The following SCFD2 variants were observed in gnomAD, a reference collection of about 807,000 sequenced individuals.
The protein encoded by SCFD2 is sec1 family domain containing 2.
Under a neutral mutation model 58.9 loss-of-function variants are expected in SCFD2, and 54 were observed. The ratio of observed to expected loss-of-function variants is 0.92; its 90% CI spans 0.74 to 1.15. SCFD2 has a LOEUF of 1.15. Ranked by LOEUF, SCFD2 falls within the 50% of genes most tolerant of loss-of-function variation. The pLI, the probability that SCFD2 is intolerant of heterozygous loss-of-function variation, is 0.00. For synonymous variants in SCFD2, 321 were observed against 335.9 expected, an observed-to-expected ratio of 0.96 and a Z score of 0.49; for missense variants, 805 against 836.6, an observed-to-expected ratio of 0.96 and a Z score of 0.47.
At chr4:53,173,855 C>T (rs1438767949) in intron 4 of SCFD2, among the ~76,000 whole-genome samples, 3 of 152,048 alleles carry the variant, frequency 2.0e-5, no homozygotes, top group South Asian at 4.1e-4. Flanking sequence ...ACTTTTACTC[C>T]CCACGCTCAT....
chr4:53,168,068 C>T (rs111271964), intron 4 of SCFD2, among the ~76,000 whole-genome samples: 66 of 152,176 alleles, frequency 4.3e-4, no homozygotes, highest in African/African-American at 1.5e-3. Flanking sequence ...AAGGAAAATC[C>T]GCATAGGCCA....
At chr4:53,103,476 T>C (rs1196518701) in intron 5 of SCFD2, among the ~76,000 whole-genome samples, 1 of 151,538 alleles carries the variant, frequency 6.6e-6, no homozygotes, top group Non-Finnish European at 1.5e-5. Flanking sequence ...AACAAATGTT[T>C]AGCTTAATCT....
intron 5 of SCFD2, among the ~76,000 whole-genome samples, chr4:52,997,735 C>T (rs1721775750): frequency 6.6e-6 from 1 of 152,186 alleles, no homozygotes; most frequent in Admixed American, 6.5e-5. Flanking sequence ...AACCCCCTCA[C>T]CAACCTAGAC....
At chr4:53,000,198 C>A (rs1220252535) in intron 5 of SCFD2, among the ~76,000 whole-genome samples, 1 of 152,172 alleles carries the variant, frequency 6.6e-6, no homozygotes, top group African/African-American at 2.4e-5. Flanking sequence ...CTGAGGAGAG[C>A]ACAGGTTGAG....
intron 4 of SCFD2, among the ~76,000 whole-genome samples, chr4:53,253,031 C>T (rs1648228717): frequency 6.6e-6 from 1 of 152,098 alleles, no homozygotes; most frequent in Admixed American, 6.5e-5. Flanking sequence ...TGAACTCAAA[C>T]ACATTTACAA....
chr4:53,314,459 C>T (rs1229904108), intron 2 of SCFD2, among the ~76,000 whole-genome samples: 2 of 152,164 alleles, frequency 1.3e-5, no homozygotes, highest in Non-Finnish European at 2.9e-5. Flanking sequence ...ATGCTATGTC[C>T]AAATTATAAA....
chr4:53,109,004 A>C (rs917480710), intron 5 of SCFD2, among the ~76,000 whole-genome samples: 14 of 152,220 alleles, frequency 9.2e-5, no homozygotes, highest in African/African-American at 3.4e-4. Flanking sequence ...AGCACATTGA[A>C]AAGCTCATCT....
In SCFD2 at chr4:53,270,355, A is replaced by C. The variant is rs561038971; in HGVS notation, c.1311+3471T>G. Among the ~76,000 whole-genome samples, 21 of 152,352 alleles carry C rather than the reference A, an allele frequency of 1.4e-4. No homozygotes were observed. In the South Asian group the frequency reaches 4.4e-3, roughly 32 times the overall value. On this transcript the variant is annotated intron_variant, in intron 4 of 8. Coordinates refer to ENST00000401642, the MANE Select transcript of SCFD2 (RefSeq NM_152540.4). ...AATACAGCAAACTAGGATTAGGAAG[A>C]AACTTCCTTAGTCTGATTAAAAACA... is the stretch of plus-strand genomic sequence containing the variant.
chr4:53,179,256 T>C (rs547040536), intron 4 of SCFD2, among the ~76,000 whole-genome samples: 3 of 152,258 alleles, frequency 2.0e-5, no homozygotes, highest in East Asian at 1.9e-4. Flanking sequence ...GAGAGAAAGG[T>C]TGGGTTACCC....
chr4:53,352,793 A>T (rs1280569831), intron 1 of SCFD2, 27 bp from the exon 2 acceptor site: 1 of 1,587,546 alleles, frequency 6.3e-7, no homozygotes, highest in Non-Finnish European at 8.6e-7. Flanking sequence ...GATGATGTAA[A>T]TTCATAAAAT....
chr4:53,262,595 T>C (rs938506436), intron 4 of SCFD2, among the ~76,000 whole-genome samples: 1 of 152,258 alleles, frequency 6.6e-6, no homozygotes, highest in Non-Finnish European at 1.5e-5. Flanking sequence ...CCCTTCTAGC[T>C]TGTAGGATTT....
At chr4:53,211,823 T>C (rs993929917) in intron 4 of SCFD2, among the ~76,000 whole-genome samples, 12 of 152,150 alleles carry the variant, frequency 7.9e-5, no homozygotes, top group African/African-American at 2.9e-4. Context: ...ATTTCTAAGA[T>C]GGTTGATACC....
At chr4:52,921,196 G>A (rs569151003) in intron 5 of SCFD2, among the ~76,000 whole-genome samples, 2 of 152,106 alleles carry the variant, frequency 1.3e-5, no homozygotes, top group East Asian at 1.9e-4. Context: ...CTCGGAACAC[G>A]ACTTTGGGAA....
chr4:53,146,765 T>C (rs1301770433), intron 4 of SCFD2, among the ~76,000 whole-genome samples: 1 of 152,196 alleles, frequency 6.6e-6, no homozygotes, highest in African/African-American at 2.4e-5. Context: ...AGAGACCCCA[T>C]TCCTAAAACT....
chr4:53,333,425 G>C (rs1333953855), intron 2 of SCFD2, among the ~76,000 whole-genome samples: 1 of 132,278 alleles, frequency 7.6e-6, no homozygotes. Flanking sequence ...GAACAGAACA[G>C]AGCCCTCAGA....
At chr4:52,911,294 G>A (rs895180405) in intron 6 of SCFD2, among the ~76,000 whole-genome samples, 1 of 152,028 alleles carries the variant, frequency 6.6e-6, no homozygotes, top group Non-Finnish European at 1.5e-5. Context: ...AGGGATTGGG[G>A]TAAGTAGGGA....
chr4:53,157,258 G>A (rs575661338), intron 4 of SCFD2, among the ~76,000 whole-genome samples: 1 of 152,162 alleles, frequency 6.6e-6, no homozygotes, highest in Admixed American at 6.5e-5. Context: ...ATCAGGCATA[G>A]GCTAAAGATC....
chr4:52,949,471 CTT>C (rs1251506234), intron 5 of SCFD2: 1 of 152,192 alleles, frequency 6.6e-6, no homozygotes, highest in Non-Finnish European at 1.5e-5. Context: ...GCCACTTTCC[CTT>C]TTGATGTCTG....
chr4:53,249,046 A>G (rs573738816), intron 4 of SCFD2, among the ~76,000 whole-genome samples: 2 of 152,308 alleles, frequency 1.3e-5, no homozygotes, highest in Non-Finnish European at 2.9e-5. Context: ...CAAAGAAGTT[A>G]AAAACTTTGA....
Sources: gnomAD v4.1 joint callset for allele counts (sites outside exome capture counted in the v4.1 genomes callset) on GRCh38, gnomAD v4.1.1 for gene constraint, MANE v1.5 for transcripts, NCBI Gene and HGNC (gene_info 2026-07-23, HGNC 2026-07-21) for gene names.